UBE3A: variants seen among roughly 807,000 people sequenced by gnomAD.
UBE3A encodes the protein ubiquitin protein ligase E3A.
UBE3A carries 6 observed loss-of-function variants against 83.4 expected under a neutral mutation model. The observed-to-expected ratio is 0.07, with a 90% CI of 0.04 to 0.14. The LOEUF (loss-of-function observed/expected upper bound fraction) is 0.14. Ranked by LOEUF, UBE3A falls within the 10% of genes least tolerant of loss-of-function variation. The pLI is 1.00. For synonymous variants in UBE3A, 337 were observed against 355.4 expected (o/e 0.95, Z 0.58); for missense variants, 456 against 1,036.1 (o/e 0.44, Z 7.69).
rs962203182 is a variant in UBE3A, at chr15:25,355,785, T to C, written c.2124+107A>G. 25 of 950,658 alleles carry C rather than the reference T, an allele frequency of 2.6e-5. No individual in the cohort carries two copies. The African/African-American group carries it at 4.1e-4, about 16-fold the overall frequency. The allele number at this position is 950,658 out of a possible 1,614,324, so 58.9% of individuals were successfully genotyped here. ...GCATTTACATAAACTTAGTTACTTGTTTTTTTTTTGTACAGACTATATTAG... is the reference window on the plus strand; with the variant it reads ...GCATTTACATAAACTTAGTTACTTGCTTTTTTTTTGTACAGACTATATTAG... On this transcript the variant is annotated intron_variant, in intron 9 of 12. Coordinates refer to ENST00000648336, the MANE Select transcript of UBE3A (RefSeq NM_130839.5).
rs754336508 is a variant in UBE3A at position 25,370,550 on chromosome 15, T to C, written c.1608+16A>G. 2 of 1,613,978 alleles carry C rather than the reference T, an allele frequency of 1.2e-6. No individual in the cohort carries two copies. The highest frequency in any genetic ancestry group is 1.7e-6 in the Non-Finnish European group (2 of 1,179,962). Reference sequence around the variant, plus strand: ...TATCCCCATTATTAGGTTTTTAATCTAGCAGCCCAACTTACCCGGACAAGT... The same window carrying C: ...TATCCCCATTATTAGGTTTTTAATCCAGCAGCCCAACTTACCCGGACAAGT... On this transcript the variant is annotated intron_variant, in intron 6 of 12. Transcript: ENST00000648336. The surrounding 1 kb of genome is among the most constrained non-coding windows in gnomAD (Gnocchi z 4.2).
At chr15:25,360,901 T>C (rs2077963970) in intron 6 of UBE3A, among the ~76,000 whole-genome samples, 1 of 152,200 alleles carries the variant, frequency 6.6e-6, no homozygotes, top group East Asian at 1.9e-4. Flanking sequence ...AAATTGTTCA[T>C]TAGTAGTCCT....
intron 6 of UBE3A, among the ~76,000 whole-genome samples, chr15:25,365,530 C>T (rs192032896): frequency 0.021 from 3,115 of 151,738 alleles, 44 homozygotes; most frequent in Non-Finnish European, 0.031. Flanking sequence ...GGGCGGATCA[C>T]GAGGTCAGGA....
At chr15:25,434,965 TACATACAC>T (rs1306925021) in intron 1 of UBE3A, among the ~76,000 whole-genome samples, 8 of 20,426 alleles carry the variant, frequency 3.9e-4, no homozygotes, top group East Asian at 7.4e-3. Flanking sequence ...AAATTCTATA[TACATACAC>T]ACACACACAC....
At chr15:25,375,387 A>G in intron 5 of UBE3A, 78 bp downstream of exon 5, 3 of 1,512,108 alleles carry the variant, frequency 2.0e-6, no homozygotes, top group Non-Finnish European at 2.7e-6. Flanking sequence ...AGAAGAAAAA[A>G]CAAATAAAAA....
intron 1 of UBE3A, among the ~76,000 whole-genome samples, chr15:25,422,441 T>C (rs1164001799): frequency 1.3e-5 from 2 of 152,142 alleles, no homozygotes; most frequent in African/African-American, 4.8e-5. Flanking sequence ...TTGATTTTTT[T>C]CAAAGTTTGT....
At chr15:25,411,439 A>C (rs2089975565) in intron 2 of UBE3A, among the ~76,000 whole-genome samples, 1 of 152,094 alleles carries the variant, frequency 6.6e-6, no homozygotes. Flanking sequence ...AAAATACAAA[A>C]CTTAGCCAGG....
intron 4 of UBE3A, among the ~76,000 whole-genome samples, chr15:25,387,449 G>A (rs2152934547): frequency 6.6e-6 from 1 of 152,216 alleles, no homozygotes; most frequent in East Asian, 1.9e-4. Context: ...GTGAACCCGG[G>A]AGGCGGAGCT....
chr15:25,337,538 T>TTCTG lies in UBE3A; in HGVS notation c.*1595_*1598dup, dbSNP rs1458465021. Reference sequence around the variant, plus strand: ...TAGCATTATGGTACATAACAAACAGTTCTGTCTCAATTATGAAAAAAATTA... The same window carrying TTCTG: ...TAGCATTATGGTACATAACAAACAGTTCTGTCTGTCTCAATTATGAAAAAAATTA... On this transcript the variant is annotated 3_prime_UTR_variant, in exon 13 of 13. Coordinates refer to ENST00000648336, the MANE Select transcript of UBE3A (RefSeq NM_130839.5). The TTCTG allele has an allele frequency of 6.6e-6, 1 of 152,122 alleles. No individual in the cohort carries two copies. The highest frequency in any genetic ancestry group is 1.5e-5 in the Non-Finnish European group (1 of 68,004). 9.4% of individuals were successfully genotyped at this position (152,122 alleles called of 1,614,324 possible).
chr15:25,383,188 A>G (rs1018784933), intron 4 of UBE3A, among the ~76,000 whole-genome samples: 4 of 152,362 alleles, frequency 2.6e-5, no homozygotes, highest in African/African-American at 7.2e-5. Flanking sequence ...TAAAAAGATT[A>G]TATTTCATAA....
At chr15:25,413,278 A>G (rs2090320539) in intron 1 of UBE3A, among the ~76,000 whole-genome samples, 1 of 152,234 alleles carries the variant, frequency 6.6e-6, no homozygotes, top group South Asian at 2.1e-4. Context: ...ATGTTGATCT[A>G]TATCTACCTC....
intron 2 of UBE3A, 56 bp from the exon 3 acceptor site, chr15:25,409,263 T>C (rs1238706437): frequency 3.8e-6 from 2 of 530,424 alleles, no homozygotes; most frequent in African/African-American, 1.9e-5. Flanking sequence ...ACCCAATTCA[T>C]TGTTCAAAAA....
intron 4 of UBE3A, among the ~76,000 whole-genome samples, chr15:25,379,476 C>T (rs2081796649): frequency 6.6e-6 from 1 of 152,160 alleles, no homozygotes; most frequent in East Asian, 1.9e-4. Context: ...AGCAGCTACA[C>T]TGATGAGACA....
chr15:25,381,877 A>G (rs1052779191), intron 4 of UBE3A, among the ~76,000 whole-genome samples: 3 of 152,252 alleles, frequency 2.0e-5, no homozygotes, highest in African/African-American at 7.2e-5. Context: ...AGATTATTTC[A>G]AGACTAAACC....
intron 11 of UBE3A, among the ~76,000 whole-genome samples, chr15:25,342,667 A>G (rs772983049): frequency 5.3e-5 from 8 of 152,168 alleles, no homozygotes; most frequent in Admixed American, 1.3e-4. Flanking sequence ...ACTTAGGTCT[A>G]GAGTAAAACT....
At chr15:25,408,810 T>C in intron 3 of UBE3A, 1 of 867,722 alleles carries the variant, frequency 1.2e-6, no homozygotes, top group Non-Finnish European at 1.7e-6. Flanking sequence ...TAATGTTTTC[T>C]ATAATGTTTA....
Position 25,405,713 on chromosome 15 carries a change from A to G in UBE3A, c.21-211T>C, listed in dbSNP as rs1009328465. 1.0e-5 allele frequency: 6 copies of G among 581,392 alleles called. No homozygotes were observed. The East Asian group carries it at 1.2e-4, about 11-fold the overall frequency. 36.0% of individuals were successfully genotyped at this position (581,392 alleles called of 1,614,324 possible). A position where few individuals can be genotyped will look rare whatever the true frequency, so the allele number is the denominator to read the frequency against. On this transcript the variant is annotated intron_variant, in intron 3 of 12. Transcript: ENST00000648336. The stretch of plus-strand genomic sequence containing the variant: ...AAGGGTTGGACTATTAAAAAACTCA[A>G]TGCATGTTTTTTAAAGGAAACTGTA...
intron 2 of UBE3A, among the ~76,000 whole-genome samples, chr15:25,410,160 A>T (rs1214656541): frequency 6.6e-6 from 1 of 152,206 alleles, no homozygotes; most frequent in Non-Finnish European, 1.5e-5. Flanking sequence ...AAAAAACATC[A>T]GTCAAAACCC....
At chr15:25,364,632 GTTTTT>G (rs80152524) in intron 6 of UBE3A, among the ~76,000 whole-genome samples, 3 of 121,176 alleles carry the variant, frequency 2.5e-5, no homozygotes, top group African/African-American at 7.2e-5. Context: ...GATTTTTAGG[GTTTTT>G]TTTGTTTGTT....
Sources: allele counts gnomAD v4.1 joint callset (sites outside exome capture counted in the v4.1 genomes callset), GRCh38; gene constraint gnomAD v4.1.1; non-coding constraint Gnocchi (gnomAD v3.1); transcripts MANE v1.5; gene names NCBI Gene and HGNC (gene_info 2026-07-23, HGNC 2026-07-21).